The following RAB3IP variants were observed in gnomAD, a reference collection of about 807,000 sequenced individuals.
RAB3IP encodes the protein RAB3A interacting protein, also known as rab-3A-interacting protein.
In RAB3IP, 36 loss-of-function variants were observed where a neutral mutation model predicts 59.1. That is an observed-to-expected ratio of 0.61 (90% CI 0.47 to 0.80). The LOEUF (loss-of-function observed/expected upper bound fraction) is 0.80. Ranked by LOEUF, RAB3IP falls within the 30% of genes least tolerant of loss-of-function variation. The pLI is 0.00. For missense variants in RAB3IP, 511 were observed against 536.0 expected (o/e 0.95, Z 0.46); for synonymous variants, 207 against 191.2 (o/e 1.08, Z -0.68).
intron 8 of RAB3IP, among the ~76,000 whole-genome samples, chr12:69,809,135 AT>A (rs1214485273): frequency 6.8e-6 from 1 of 147,568 alleles, no homozygotes; most frequent in Non-Finnish European, 1.5e-5. Context: ...TCTGTAAAGT[AT>A]TTTATTTCTC....
chr12:69,784,035 C>T (rs192423830), intron 3 of RAB3IP, among the ~76,000 whole-genome samples: 4 of 152,106 alleles, frequency 2.6e-5, no homozygotes, highest in Non-Finnish European at 5.9e-5. Context: ...ATTCTCCCCC[C>T]CTATGTTTGA....
At chr12:69,743,278 G>C (rs1286455370) in intron 1 of RAB3IP, among the ~76,000 whole-genome samples, 2 of 152,074 alleles carry the variant, frequency 1.3e-5, no homozygotes, top group Non-Finnish European at 2.9e-5. Context: ...AAGTATAAAA[G>C]AAAAACCAAA....
chr12:69,818,386 C>A lies in RAB3IP; in HGVS notation c.*2940C>A. The A allele has an allele frequency of 6.6e-6, 1 of 151,710 alleles. No homozygotes were observed. Among genetic ancestry groups the A allele is most frequent in the South Asian group, 2.1e-4 (1 of 4,818 alleles). The allele number at this position is 151,710 out of a possible 1,614,324, so 9.4% of individuals were successfully genotyped here. A position where few individuals can be genotyped will look rare whatever the true frequency, so the allele number is the denominator to read the frequency against. ...ATTGCTTAAGCCCAGGAGGTTGAGG[C>A]TGCAGTGAATCATGATTGTGCCACT... On this transcript the variant is annotated 3_prime_UTR_variant, in exon 11 of 11. Coordinates refer to ENST00000247833, the MANE Select transcript of RAB3IP (RefSeq NM_022456.5).
At chr12:69,782,331 A>C (rs1241697396) in intron 3 of RAB3IP, among the ~76,000 whole-genome samples, 4 of 152,080 alleles carry the variant, frequency 2.6e-5, no homozygotes, top group Non-Finnish European at 5.9e-5. Flanking sequence ...TGCGTGGCTA[A>C]TTTTTGTATT....
At chr12:69,813,800 A>G (rs1180265501) in intron 10 of RAB3IP, among the ~76,000 whole-genome samples, 1 of 151,834 alleles carries the variant, frequency 6.6e-6, no homozygotes, top group East Asian at 1.9e-4. Flanking sequence ...CACTGAAAAT[A>G]TTATCTTGCT....
chr12:69,800,279 T>A lies in RAB3IP; in HGVS notation c.959T>A (p.Phe320Tyr). 1.9e-6 allele frequency: 3 copies of A among 1,597,984 alleles called. No homozygotes were observed. Among genetic ancestry groups the A allele is most frequent in the Non-Finnish European group, 2.6e-6 (3 of 1,171,352 alleles). Reference sequence around the variant, plus strand: ...CCCACAATGGACAGGACGTGTCCTTTCTTAGACAAAATCTACCAGGAAGAT... The same window carrying A: ...CCCACAATGGACAGGACGTGTCCTTACTTAGACAAAATCTACCAGGAAGAT... ...DEPTMDRTCP[F>Y]LDKIYQEDIF... is the part of the protein sequence containing the mutation. The change falls in exon 7 of 11, where the codon TTC (phenylalanine) becomes TAC (tyrosine). Residue 320 changes from phenylalanine to tyrosine, a missense_variant. Physicochemically the swap from Phe to Tyr is conservative, Grantham distance 22 (BLOSUM62 3). Coordinates refer to ENST00000247833, the MANE Select transcript of RAB3IP (RefSeq NM_022456.5).
intron 3 of RAB3IP, among the ~76,000 whole-genome samples, chr12:69,783,290 C>A (rs535504457): frequency 9.2e-5 from 14 of 152,122 alleles, no homozygotes; most frequent in Non-Finnish European, 2.1e-4. Context: ...AAAGGTTTTT[C>A]TTTTCCAGCG....
At chr12:69,756,326 GT>G (rs1196981938) in intron 2 of RAB3IP, 78 bp from the exon 3 acceptor site, 2 of 1,473,228 alleles carry the variant, frequency 1.4e-6, no homozygotes, top group African/African-American at 2.8e-5. Flanking sequence ...GGGTAGTACA[GT>G]TCTAGAGCTG....
At chr12:69,781,301 C>T (rs368630618) in intron 3 of RAB3IP, among the ~76,000 whole-genome samples, 31 of 152,236 alleles carry the variant, frequency 2.0e-4, no homozygotes, top group African/African-American at 6.3e-4. Context: ...TCTCCACACA[C>T]GCACAGCATC....
chr12:69,813,666 A>G (rs1226495438), intron 10 of RAB3IP, among the ~76,000 whole-genome samples: 12 of 152,112 alleles, frequency 7.9e-5, no homozygotes, highest in Non-Finnish European at 1.6e-4. Flanking sequence ...GACAGCTCCA[A>G]AGCAGTATCT....
At chr12:69,813,117 GT>G (rs1880688711) in intron 10 of RAB3IP, 84 bp downstream of exon 10, 4 of 728,502 alleles carry the variant, frequency 5.5e-6, no homozygotes, top group Non-Finnish European at 7.9e-6. Context: ...GTATAGAATA[GT>G]AGTAATGCTC....
At chr12:69,788,636 A>G (rs1409622673) in intron 4 of RAB3IP, among the ~76,000 whole-genome samples, 1 of 152,108 alleles carries the variant, frequency 6.6e-6, no homozygotes, top group Non-Finnish European at 1.5e-5. Context: ...AGTCTCTCTA[A>G]TGAGTAGATT....
Position 69,821,177 on chromosome 12 carries a change from G to T in RAB3IP, c.*5731G>T, listed in dbSNP as rs539694327. On this transcript the variant is annotated 3_prime_UTR_variant, in exon 11 of 11. Transcript: ENST00000247833. The stretch of plus-strand genomic sequence containing the variant: ...CAGGGCCCCCATCACCACATCCCCA[G>T]ATTTAACCGCAGCAGCTCAGCTTTT... The T allele has an allele frequency of 6.6e-6, 1 of 152,424 alleles. No homozygotes were observed. Among genetic ancestry groups the T allele is most frequent in the African/African-American group, 2.4e-5 (1 of 41,562 alleles). 9.4% of individuals were successfully genotyped at this position (152,424 alleles called of 1,614,324 possible).
chr12:69,805,059 G>A (rs1879030854), intron 8 of RAB3IP, among the ~76,000 whole-genome samples: 1 of 152,162 alleles, frequency 6.6e-6, no homozygotes, highest in Non-Finnish European at 1.5e-5. Flanking sequence ...TGATGGGGAT[G>A]GCATTGAATC....
At chr12:69,754,364 C>CACAG (rs1415844513) in intron 1 of RAB3IP, among the ~76,000 whole-genome samples, 2 of 151,814 alleles carry the variant, frequency 1.3e-5, no homozygotes, top group Non-Finnish European at 2.9e-5. Flanking sequence ...CACACACACA[C>CACAG]ACACACTGTG....
intron 1 of RAB3IP, among the ~76,000 whole-genome samples, chr12:69,752,286 G>A (rs1869453504): frequency 6.6e-6 from 1 of 150,514 alleles, no homozygotes; most frequent in Admixed American, 6.6e-5. Context: ...TTACAAGTGT[G>A]AGCCACTGAA....
chr12:69,751,419 A>G (rs1173703061), intron 1 of RAB3IP, among the ~76,000 whole-genome samples: 1 of 152,142 alleles, frequency 6.6e-6, no homozygotes, highest in Non-Finnish European at 1.5e-5. Flanking sequence ...TATTACTCTG[A>G]GTACATGGGT....
Position 69,788,242 on chromosome 12 carries a change from G to A in RAB3IP, c.606+3427G>A, listed in dbSNP as rs548977321. Among the ~76,000 whole-genome samples, 7 of 152,140 alleles carry A rather than the reference G, an allele frequency of 4.6e-5. No homozygotes were observed. In the East Asian group the frequency reaches 9.7e-4, roughly 21 times the overall value. ...TTGTCATTATAGATTTCATCGTGCAGAAATCGGTAGAATATACTTACACAA... is the reference window on the plus strand; with the variant it reads ...TTGTCATTATAGATTTCATCGTGCAAAAATCGGTAGAATATACTTACACAA... On this transcript the variant is annotated intron_variant, in intron 4 of 10. Coordinates refer to ENST00000247833, the MANE Select transcript of RAB3IP (RefSeq NM_022456.5).
intron 4 of RAB3IP, among the ~76,000 whole-genome samples, chr12:69,787,603 A>T (rs1391254431): frequency 1.3e-5 from 2 of 152,172 alleles, no homozygotes; most frequent in African/African-American, 4.8e-5. Flanking sequence ...AAAAGAAGTC[A>T]TCACCGGGGC....
Sources: allele counts gnomAD v4.1 joint callset (sites outside exome capture counted in the v4.1 genomes callset), GRCh38; gene constraint gnomAD v4.1.1; transcripts MANE v1.5; gene names NCBI Gene and HGNC (gene_info 2026-07-23, HGNC 2026-07-21).